The following KIAA1671 variants were observed in gnomAD, a reference collection of about 807,000 sequenced individuals.
The protein encoded by KIAA1671 is KIAA1671, also known as uncharacterized protein KIAA1671.
A neutral mutation model predicts 131.2 loss-of-function variants in KIAA1671; 52 were observed. The observed-to-expected ratio is 0.40, with a 90% CI of 0.32 to 0.50. KIAA1671 has a LOEUF of 0.50. Ranked by LOEUF, KIAA1671 falls within the 20% of genes least tolerant of loss-of-function variation. The probability of loss-of-function intolerance (pLI) is 0.73; values close to 1 mark genes in which losing one functional copy is unlikely to be tolerated. For synonymous variants in KIAA1671, 1,003 were observed against 961.6 expected (o/e 1.04, Z -0.80); for missense variants, 2,360 against 2,364.2 (o/e 1.00, Z 0.04).
At chr22:25,177,325 C>T (rs1236810629) in intron 8 of KIAA1671, 23 bp from the exon 9 acceptor site, 3 of 1,529,304 alleles carry the variant, frequency 2.0e-6, no homozygotes, top group Admixed American at 4.2e-5. Context: ...TTTTTTTCCT[C>T]TTCCTCCCTG....
chr22:25,121,159 A>G (rs1395754493), intron 6 of KIAA1671, among the ~76,000 whole-genome samples: 1 of 152,192 alleles, frequency 6.6e-6, no homozygotes, highest in South Asian at 2.1e-4. Context: ...TTCGGATTTC[A>G]TGAAGAATGG....
intron 6 of KIAA1671, among the ~76,000 whole-genome samples, chr22:25,103,481 C>G (rs920952257): frequency 2.0e-5 from 3 of 152,194 alleles, no homozygotes; most frequent in African/African-American, 7.2e-5. Flanking sequence ...GCCTCAGCCT[C>G]CCAAGTAGCT....
At chr22:24,973,204 C>G (rs1263125717) in intron 1 of KIAA1671, among the ~76,000 whole-genome samples, 4 of 152,148 alleles carry the variant, frequency 2.6e-5, no homozygotes, top group East Asian at 1.9e-4. Context: ...TTTAAAAAAC[C>G]CTGACTGCTG....
chr22:25,066,443 C>T (rs1002928121), intron 6 of KIAA1671, among the ~76,000 whole-genome samples: 4 of 152,182 alleles, frequency 2.6e-5, no homozygotes, highest in Non-Finnish European at 5.9e-5. Context: ...GCCACCATGC[C>T]TGACCTCAAG....
chr22:25,078,838 C>A (rs1444808378), intron 6 of KIAA1671, among the ~76,000 whole-genome samples: 4 of 152,154 alleles, frequency 2.6e-5, no homozygotes, highest in African/African-American at 9.7e-5. Context: ...AGATTTTCAT[C>A]TGACTTGAGC....
chr22:25,179,365 G>C lies in KIAA1671; in HGVS notation c.5074+1843G>C, dbSNP rs1307305922. 4.4e-6 allele frequency: 7 copies of C among 1,603,438 alleles called. No individual in the cohort carries two copies. In the African/African-American group the frequency reaches 8.0e-5, roughly 18 times the overall value. On this transcript the variant is annotated intron_variant, in intron 9 of 12. Transcript: ENST00000358431. The stretch of plus-strand genomic sequence containing the variant: ...TTCCTGCGCACCTCGGCCGCGTGCA[G>C]CTCCTCGCGCAGCCGCTCGCGCAGT...
In KIAA1671 at chr22:25,083,015, G is replaced by A. The variant is rs139956333; in HGVS notation, c.4530+33651G>A. On this transcript the variant is annotated intron_variant, in intron 6 of 12. Coordinates refer to ENST00000358431, the MANE Select transcript of KIAA1671 (RefSeq NM_001145206.2). The stretch of plus-strand genomic sequence containing the variant: ...GCTATAATATAAATGTAATAATATC[G>A]TAATCAGAGATTTTTATTTTGCTCC... Among the ~76,000 whole-genome samples, 122 of 152,128 alleles carry A rather than the reference G, an allele frequency of 8.0e-4. 1 individual carries two copies. Among genetic ancestry groups the A allele is most frequent in the East Asian group, 5.4e-3 (28 of 5,182 alleles).
chr22:25,096,307 GT>G (rs1230603134), intron 6 of KIAA1671, among the ~76,000 whole-genome samples: 1 of 152,222 alleles, frequency 6.6e-6, no homozygotes, highest in Non-Finnish European at 1.5e-5. Flanking sequence ...GGCAGTGGCA[GT>G]TACAGCCGCT....
chr22:25,031,089 C>A (rs11705512), intron 3 of KIAA1671, among the ~76,000 whole-genome samples: 20,001 of 152,012 alleles, frequency 0.13, 1,399 homozygotes, highest in African/African-American at 0.15. Flanking sequence ...TGCAGTGTTG[C>A]AATCTCGGCC....
rs114939709 is a variant in KIAA1671, at chr22:25,005,946, A to C, written c.-207-19687A>C. 3.8e-3 allele frequency among the ~76,000 whole-genome samples: 582 copies of C among 152,308 alleles called. 4 individuals carry two copies. The highest frequency in any genetic ancestry group is 0.013 in the African/African-American group (551 of 41,568). The stretch of plus-strand genomic sequence containing the variant: ...TCCAGGAGAACTTTGCATGCTCTCC[A>C]ACAGCATACCTAGCATCGTGTGCCT... On this transcript the variant is annotated intron_variant, in intron 1 of 12. Coordinates refer to ENST00000358431, the MANE Select transcript of KIAA1671 (RefSeq NM_001145206.2).
In KIAA1671 at chr22:25,039,883, G is replaced by A. The variant is rs1264872920; in HGVS notation, c.2753G>A (p.Arg918Lys). The A allele has an allele frequency of 6.4e-7, 1 of 1,551,564 alleles. No homozygotes were observed. Among genetic ancestry groups the A allele is most frequent in the Non-Finnish European group, 8.7e-7 (1 of 1,146,956 alleles). Residue 918 changes from arginine to lysine, a missense_variant, in exon 5 of 13, where the codon AGG (arginine) becomes AAG (lysine). Transcript: ENST00000358431. The part of the protein sequence containing the change: ...VQKGPFIVAA[R>K]EGDPGPAQVP... ...AAAGGGCCCTTCATTGTAGCCGCCA[G>A]GGAGGGTGATCCAGGGCCGGCCCAG...
At chr22:25,030,902 G>A (rs1446853956) in intron 3 of KIAA1671, among the ~76,000 whole-genome samples, 1 of 152,248 alleles carries the variant, frequency 6.6e-6, no homozygotes, top group Non-Finnish European at 1.5e-5. Context: ...AGCCAGCCAA[G>A]CCAAAGCTAG....
intron 1 of KIAA1671, among the ~76,000 whole-genome samples, chr22:25,018,771 G>A (rs989971651): frequency 6.6e-6 from 1 of 152,152 alleles, no homozygotes; most frequent in African/African-American, 2.4e-5. Context: ...ACATTCCATT[G>A]TATAAGGATA....
chr22:25,171,055 G>C, intron 7 of KIAA1671, 117 bp downstream of exon 7: 1 of 767,362 alleles, frequency 1.3e-6, no homozygotes, highest in Non-Finnish European at 2.1e-6. Context: ...AATTATAAAA[G>C]GAACCCATTC....
chr22:25,080,007 C>T (rs1929322119), intron 6 of KIAA1671, among the ~76,000 whole-genome samples: 1 of 151,968 alleles, frequency 6.6e-6, no homozygotes, highest in South Asian at 2.1e-4. Context: ...AGGTTGAGCC[C>T]CAGGATGTGC....
At chr22:24,995,005 C>T (rs563350350) in intron 1 of KIAA1671, among the ~76,000 whole-genome samples, 2 of 151,090 alleles carry the variant, frequency 1.3e-5, no homozygotes, top group Non-Finnish European at 2.9e-5. Context: ...TGCAGCCTAA[C>T]TCCAGGCTCC....
At chr22:24,972,658 C>T (rs113985588) in intron 1 of KIAA1671, among the ~76,000 whole-genome samples, 9 of 144,770 alleles carry the variant, frequency 6.2e-5, no homozygotes, top group African/African-American at 2.4e-4. Context: ...CCTTCCCTCC[C>T]TCCCTTCCTT....
At chr22:25,114,752 C>G (rs1474286641) in intron 6 of KIAA1671, among the ~76,000 whole-genome samples, 1 of 152,190 alleles carries the variant, frequency 6.6e-6, no homozygotes, top group Non-Finnish European at 1.5e-5. Context: ...GCTGGAAAAC[C>G]CACACACGCC....
At chr22:25,064,904 G>C (rs994327263) in intron 6 of KIAA1671, 6 of 152,258 alleles carry the variant, frequency 3.9e-5, no homozygotes, top group African/African-American at 1.2e-4. Context: ...TGGGACCCAG[G>C]CTCTGCCCAT....
Sources: gnomAD v4.1 joint callset for allele counts (sites outside exome capture counted in the v4.1 genomes callset) on GRCh38, gnomAD v4.1.1 for gene constraint, MANE v1.5 for transcripts, NCBI Gene and HGNC (gene_info 2026-07-23, HGNC 2026-07-21) for gene names.